Variants in BIRC6 observed in about 807,000 individuals in gnomAD.
BIRC6 encodes baculoviral IAP repeat containing 6.
A neutral mutation model predicts 503.3 loss-of-function variants in BIRC6; 98 were observed. The ratio of observed to expected loss-of-function variants is 0.19; its 90% confidence interval spans 0.17 to 0.23. The LOEUF is 0.23. Ranked by LOEUF, BIRC6 falls within the 10% of genes least tolerant of loss-of-function variation. The pLI is 1.00. For missense variants in BIRC6, 5,360 were observed against 5,806.0 expected (o/e 0.92, Z 2.50); for synonymous variants, 2,240 against 2,078.7 (o/e 1.08, Z -2.11).
intron 50 of BIRC6, among the ~76,000 whole-genome samples, chr2:32,506,146 C>A (rs1262079589): frequency 6.6e-6 from 1 of 152,114 alleles, no homozygotes; most frequent in East Asian, 1.9e-4. Context: ...CTGCACCCAG[C>A]CCATTTTGTG....
chr2:32,498,300 A>T (rs1013714122), intron 45 of BIRC6, among the ~76,000 whole-genome samples: 1 of 152,182 alleles, frequency 6.6e-6, no homozygotes, highest in Non-Finnish European at 1.5e-5. Context: ...CCTGAGCTCA[A>T]GCAATCCACC....
intron 66 of BIRC6, among the ~76,000 whole-genome samples, chr2:32,582,172 A>G (rs536800768): frequency 2.0e-5 from 3 of 152,194 alleles, no homozygotes; most frequent in Admixed American, 2.0e-4. Flanking sequence ...TCTATAATTT[A>G]GATGTAAAAA....
At position 32,487,789 on chromosome 2, in the gene BIRC6, C is replaced by G. The variant is rs1425074593; in HGVS notation, c.7956C>G (p.Val2652=). 4 of 1,610,562 alleles carry G rather than the reference C, an allele frequency of 2.5e-6. No individual in the cohort carries two copies. The East Asian group carries it at 8.9e-5, about 36-fold the overall frequency. ...ACAAACTTTTTTCCATGCTTCAAGT[C>G]CATCATGTTCAGGTATGACTTCAGG... ...CFNKLFSMLQ[V]HHVQLESLLQ... Residue 2652 remains valine, a synonymous_variant, in exon 41 of 74, where the codon GTC becomes GTG. Coordinates refer to ENST00000421745, the MANE Select transcript of BIRC6 (RefSeq NM_016252.4).
At chr2:32,589,129 A>G (rs774157899) in intron 66 of BIRC6, among the ~76,000 whole-genome samples, 2 of 152,162 alleles carry the variant, frequency 1.3e-5, no homozygotes, top group Non-Finnish European at 2.9e-5. Context: ...TGATGGTTTC[A>G]CCAAAAATTT....
At chr2:32,587,506 G>A (rs1013724700) in intron 66 of BIRC6, among the ~76,000 whole-genome samples, 6 of 152,216 alleles carry the variant, frequency 3.9e-5, no homozygotes, top group Non-Finnish European at 7.3e-5. Flanking sequence ...GGCAGGCCAA[G>A]GCAGGTGGAT....
intron 24 of BIRC6, 42 bp from the exon 25 acceptor site, chr2:32,464,467 G>T: frequency 6.7e-7 from 1 of 1,496,712 alleles, no homozygotes; most frequent in South Asian, 1.3e-5. Context: ...AATTTAGGTA[G>T]GCAGGATTAG....
chr2:32,413,010 CTT>C (rs377340755), intron 9 of BIRC6, among the ~76,000 whole-genome samples: 19 of 141,392 alleles, frequency 1.3e-4, no homozygotes, highest in Non-Finnish European at 1.6e-4. Context: ...ATTGAAAAGA[CTT>C]TTTTTTTTTT....
In BIRC6 at chr2:32,545,742, G is replaced by A; in HGVS notation, c.12692G>A (p.Gly4231Asp). The A allele has an allele frequency of 6.2e-7, 1 of 1,613,796 alleles. No homozygotes were observed. The highest frequency in any genetic ancestry group is 1.3e-5 in the African/African-American group (1 of 74,968). Residue 4231 changes from glycine (G) to aspartate (D), a missense_variant, in exon 63 of 74, where the codon GGT (glycine) becomes GAT (aspartate). Gly to Asp is a moderately conservative substitution (Grantham distance 94). This residue lies in a region of BIRC6 where 477 missense variants were observed against 574.4 expected (regional missense o/e 0.83). Coordinates refer to ENST00000421745, the MANE Select transcript of BIRC6 (RefSeq NM_016252.4). ...ACTACACCTTTGACAACTGATGATG[G>A]TGTACTTCTAAGGCGGATGGCATTG... is the stretch of plus-strand genomic sequence containing the variant. ...FSTTPLTTDD[G>D]VLLRRMALEI...
intron 55 of BIRC6, among the ~76,000 whole-genome samples, chr2:32,516,090 C>T (rs547434465): frequency 6.6e-6 from 1 of 152,312 alleles, no homozygotes; most frequent in African/African-American, 2.4e-5. Flanking sequence ...ACACTGATCA[C>T]TGAGTACTGT....
rs530521886 is a variant in BIRC6 at position 32,467,923 on chromosome 2, C to T, written c.5592C>T (p.Tyr1864=). ...RFMKITVIGR[Y]GSTNARAKIP... ...TTCAGATCACTGTTATTGGACGTTA[C>T]GGGAGTACAAATGCCAGAGCCAAAA... The change falls in exon 28 of 74, where the codon TAC becomes TAT. Residue 1864 remains tyrosine, a synonymous_variant. Coordinates refer to ENST00000421745, the MANE Select transcript of BIRC6 (RefSeq NM_016252.4). 241 of 1,612,766 alleles carry T rather than the reference C, an allele frequency of 1.5e-4. 2 individuals carry two copies. In the South Asian group the frequency reaches 2.0e-3, roughly 13 times the overall value.
At chr2:32,431,181 CTTTTTTTTTTTTTTTTT>C (rs10610125) in intron 12 of BIRC6, 91 bp downstream of exon 12, 232 of 69,350 alleles carry the variant, frequency 3.3e-3, no homozygotes, top group Middle Eastern at 8.6e-3. Context: ...TACTGTTTAT[CTTTTTTTTTTTTTTTTT>C]TTTTTTTTTT....
intron 40 of BIRC6, 61 bp downstream of exon 40, chr2:32,485,820 A>C: frequency 8.9e-7 from 1 of 1,128,174 alleles, no homozygotes. Flanking sequence ...CATCATTTTC[A>C]GGTGGATTCA....
At chr2:32,503,341 T>G in intron 49 of BIRC6, 105 bp downstream of exon 49, 1 of 906,930 alleles carries the variant, frequency 1.1e-6, no homozygotes. Context: ...TATATCACTA[T>G]TTTAATTACA....
rs12612735 is a variant in BIRC6, at chr2:32,570,791, G to A, written c.13145-4365G>A. Among the ~76,000 whole-genome samples, 50 of 152,018 alleles carry A rather than the reference G, an allele frequency of 3.3e-4. No individual in the cohort carries two copies. The East Asian group carries it at 8.1e-3, about 25-fold the overall frequency. Reference sequence around the variant, plus strand: ...TGGAGTTACAGGTGTGAGCCATCACGCTCGGCCTATTTGTTTATTTTTAAG... The same window carrying A: ...TGGAGTTACAGGTGTGAGCCATCACACTCGGCCTATTTGTTTATTTTTAAG... On this transcript the variant is annotated intron_variant, in intron 65 of 73. Transcript: ENST00000421745.
At chr2:32,477,730 CTCT>C in intron 35 of BIRC6, 147 bp downstream of exon 35, 3 of 278,748 alleles carry the variant, frequency 1.1e-5, no homozygotes, top group Admixed American at 7.3e-5. Flanking sequence ...AAAACCCCGT[CTCT>C]ACAAAAAAAA....
chr2:32,469,499 A>G lies in BIRC6; in HGVS notation c.6232A>G (p.Thr2078Ala), dbSNP rs201192640. 5.6e-6 allele frequency: 9 copies of G among 1,613,782 alleles called. No individual in the cohort carries two copies. The Admixed American group carries it at 8.3e-5, about 15-fold the overall frequency. The change falls in exon 30 of 74, where the codon ACT becomes GCT. Residue 2078 changes from threonine to alanine, a missense_variant. By Grantham distance (58) the Thr-to-Ala change is moderately conservative (BLOSUM62 0). Coordinates refer to ENST00000421745, the MANE Select transcript of BIRC6 (RefSeq NM_016252.4). ...TGGAACCCCAAAGATACGGTTACAT[A>G]CTGGTCTTCTTCTTGTTCAACTGTG... ...ISGTPKIRLH[T>A]GLLLVQLCGG...
At chr2:32,591,076 A>C (rs868736187) in intron 66 of BIRC6, 1 of 699,036 alleles carries the variant, frequency 1.4e-6, no homozygotes, top group African/African-American at 1.9e-5. Flanking sequence ...AATGTCAGAC[A>C]ATGACTAGTT....
chr2:32,583,737 T>C (rs2710634), intron 66 of BIRC6, among the ~76,000 whole-genome samples: 70,760 of 151,942 alleles, frequency 0.47, 16,833 homozygotes, highest in Non-Finnish European at 0.51. Context: ...TATTGTAATT[T>C]TTTTTCCCCC....
intron 6 of BIRC6, among the ~76,000 whole-genome samples, chr2:32,396,919 G>C (rs1573919203): frequency 6.6e-6 from 1 of 152,048 alleles, no homozygotes; most frequent in South Asian, 2.1e-4. Flanking sequence ...GTAGAGACGG[G>C]GTTTCGCCAT....
Sources: allele counts gnomAD v4.1 joint callset (sites outside exome capture counted in the v4.1 genomes callset), GRCh38; gene constraint gnomAD v4.1.1; regional missense constraint gnomAD v4.1.1; transcripts MANE v1.5; gene names NCBI Gene and HGNC (gene_info 2026-07-23, HGNC 2026-07-21).